The following PPP1R7 variants were observed in gnomAD, a reference collection of about 807,000 sequenced individuals.
PPP1R7 encodes protein phosphatase 1 regulatory subunit 7, also known as protein phosphatase 1 regulatory subunit 22.
A neutral mutation model predicts 45.2 loss-of-function variants in PPP1R7; 18 were observed. The ratio of observed to expected loss-of-function variants is 0.40; its 90% confidence interval spans 0.28 to 0.59. PPP1R7 has a LOEUF of 0.59. PPP1R7 is among the 20% of genes least tolerant of loss of function. The pLI, the probability that PPP1R7 is intolerant of heterozygous loss-of-function variation, is 0.46. For synonymous variants in PPP1R7, 181 were observed against 183.4 expected, an observed-to-expected ratio of 0.99 and a Z score of 0.11; for missense variants, 314 against 455.8, an observed-to-expected ratio of 0.69 and a Z score of 2.83.
intron 7 of PPP1R7, among the ~76,000 whole-genome samples, chr2:241,165,047 CA>C (rs923074826): frequency 6.7e-6 from 1 of 149,956 alleles, no homozygotes; most frequent in Non-Finnish European, 1.5e-5. Context: ...GAGTCCATCT[CA>C]AAAAAAAGAA....
At chr2:241,157,691 G>T in intron 2 of PPP1R7, 116 bp from the exon 3 acceptor site, 1 of 940,676 alleles carries the variant, frequency 1.1e-6, no homozygotes, top group Non-Finnish European at 1.7e-6. Context: ...GTTCCTCCTC[G>T]GGGTTTGAGC....
At chr2:241,156,237 G>T (rs572390419) in intron 2 of PPP1R7, among the ~76,000 whole-genome samples, 2 of 152,340 alleles carry the variant, frequency 1.3e-5, no homozygotes, top group East Asian at 3.9e-4. Flanking sequence ...GCCCTGTAAG[G>T]TAGTGACAAT....
intron 4 of PPP1R7, 115 bp from the exon 5 acceptor site, chr2:241,159,098 A>G (rs2067526022): frequency 1.6e-6 from 2 of 1,279,086 alleles, no homozygotes; most frequent in South Asian, 2.7e-5. Context: ...ACAGCAGGAG[A>G]ATGAAGACAT....
chr2:241,150,677 TGACAGCC>T lies in PPP1R7; in HGVS notation c.52+132_52+138del. 6.2e-6 allele frequency: 8 copies of T among 1,282,868 alleles called. 1 individual carries two copies. In the South Asian group the frequency reaches 1.5e-4, roughly 24 times the overall value. The allele number at this position is 1,282,868 out of a possible 1,614,324, so 79.5% of individuals were successfully genotyped here. A position where few individuals can be genotyped will look rare whatever the true frequency, so the allele number is the denominator to read the frequency against. The stretch of plus-strand genomic sequence containing the variant: ...CGCCGCCGCGCGGCCCCCTGACAGC[TGACAGCC>T]GGACCCGGGGGAGCGGGGGAGGCGC... On this transcript the variant is annotated intron_variant, in intron 1 of 9. Coordinates refer to ENST00000234038, the MANE Select transcript of PPP1R7 (RefSeq NM_002712.3).
At position 241,183,028 on chromosome 2, in the gene PPP1R7, C is replaced by A; in HGVS notation, c.*205C>A. 1.7e-6 allele frequency: 1 copy of A among 603,326 alleles called. No homozygotes were observed. The highest frequency in any genetic ancestry group is 2.9e-6 in the Non-Finnish European group (1 of 343,826). 37.4% of individuals were successfully genotyped at this position (603,326 alleles called of 1,614,324 possible). A position where few individuals can be genotyped will look rare whatever the true frequency, so the allele number is the denominator to read the frequency against. On this transcript the variant is annotated 3_prime_UTR_variant, in exon 10 of 10. Coordinates refer to ENST00000234038, the MANE Select transcript of PPP1R7 (RefSeq NM_002712.3). ...AATTAAATCTTGCCACACTGTCCTCCTGGGTGATTGTTGACAGTTATTGTA... is the reference window on the plus strand; with the variant it reads ...AATTAAATCTTGCCACACTGTCCTCATGGGTGATTGTTGACAGTTATTGTA...
intron 9 of PPP1R7, 45 bp downstream of exon 9, chr2:241,169,912 G>T: frequency 1.4e-6 from 2 of 1,417,132 alleles, no homozygotes; most frequent in Non-Finnish European, 2.0e-6. Flanking sequence ...TGACTAAACT[G>T]GTCTCACTGA....
intron 9 of PPP1R7, among the ~76,000 whole-genome samples, chr2:241,177,621 T>C (rs1218179257): frequency 6.6e-6 from 1 of 152,064 alleles, no homozygotes; most frequent in African/African-American, 2.4e-5. Flanking sequence ...AATAGAAAAA[T>C]AGGTGGAGGA....
At chr2:241,181,609 C>G (rs1230956949) in intron 9 of PPP1R7, among the ~76,000 whole-genome samples, 1 of 152,164 alleles carries the variant, frequency 6.6e-6, no homozygotes, top group Non-Finnish European at 1.5e-5. Context: ...AGGGACCCCC[C>G]AGTCGGACCA....
At chr2:241,166,867 C>G (rs1274748877) in intron 8 of PPP1R7, among the ~76,000 whole-genome samples, 1 of 152,222 alleles carries the variant, frequency 6.6e-6, no homozygotes, top group African/African-American at 2.4e-5. Flanking sequence ...CATGGGTCCA[C>G]TGGCCTCAGC....
intron 2 of PPP1R7, 65 bp from the exon 3 acceptor site, chr2:241,157,742 C>A: frequency 6.7e-7 from 1 of 1,492,708 alleles, no homozygotes; most frequent in Non-Finnish European, 9.3e-7. Context: ...CAGCCAGAAG[C>A]AGCTCTTCAC....
Position 241,183,145 on chromosome 2 carries a change from G to T in PPP1R7, c.*322G>T, listed in dbSNP as rs564890841. 4 of 404,068 alleles carry T rather than the reference G, an allele frequency of 9.9e-6. No individual in the cohort carries two copies. Among genetic ancestry groups the T allele is most frequent in the Non-Finnish European group, 1.4e-5 (3 of 212,140 alleles). 25.0% of individuals were successfully genotyped at this position (404,068 alleles called of 1,614,324 possible). On this transcript the variant is annotated 3_prime_UTR_variant, in exon 10 of 10. Transcript: ENST00000234038. ...GGCAGTCACAGTCCCTACCTGAGTC[G>T]TGTGAAACACAGGGCCTGAGAGTGC... is the stretch of plus-strand genomic sequence containing the variant.
chr2:241,150,009 C>G, upstream of PPP1R7: 1 of 1,402,724 alleles, frequency 7.1e-7, no homozygotes, highest in Non-Finnish European at 9.2e-7. Flanking sequence ...TCTTGCCGTT[C>G]GGCCCATTGT....
intron 7 of PPP1R7, among the ~76,000 whole-genome samples, chr2:241,163,641 T>C (rs962190696): frequency 6.6e-6 from 1 of 152,210 alleles, no homozygotes; most frequent in Non-Finnish European, 1.5e-5. Context: ...TCTTTATCTG[T>C]CACTCAGGCT....
chr2:241,154,802 G>A (rs1477297381), intron 2 of PPP1R7, among the ~76,000 whole-genome samples: 1 of 152,214 alleles, frequency 6.6e-6, no homozygotes, highest in African/African-American at 2.4e-5. Flanking sequence ...CAAACAGCAG[G>A]TTTAAGAAGG....
chr2:241,179,086 T>TA (rs1222075715), intron 9 of PPP1R7, among the ~76,000 whole-genome samples: 1 of 152,016 alleles, frequency 6.6e-6, no homozygotes, highest in East Asian at 1.9e-4. Context: ...ACCCCATAAA[T>TA]ACAAAATGCA....
Position 241,159,199 on chromosome 2 carries a change from T to G in PPP1R7, c.304-14T>G. ...CCCTTGCCTGTGTCAATTGTCCCTT[T>G]TCCCATCCCCCAGACTCTCTGCCTC... On this transcript the variant is annotated splice_polypyrimidine_tract_variant and intron_variant, in intron 4 of 9. Transcript: ENST00000234038. The G allele has an allele frequency of 6.2e-7, 1 of 1,611,498 alleles. No individual in the cohort carries two copies. The highest frequency in any genetic ancestry group is 8.5e-7 in the Non-Finnish European group (1 of 1,178,392).
intron 2 of PPP1R7, among the ~76,000 whole-genome samples, chr2:241,157,233 C>G (rs555523510): frequency 6.6e-6 from 1 of 152,294 alleles, no homozygotes; most frequent in African/African-American, 2.4e-5. Flanking sequence ...TTGATCCTAT[C>G]TGTTGAACTA....
intron 9 of PPP1R7, among the ~76,000 whole-genome samples, chr2:241,179,910 C>T (rs886678334): frequency 1.1e-4 from 17 of 152,300 alleles, no homozygotes; most frequent in South Asian, 6.2e-4. Context: ...TAGAATTCCC[C>T]GTGTTAGGTT....
At chr2:241,149,761 G>T (rs1394955783), upstream of PPP1R7, 16 of 1,539,664 alleles carry the variant, frequency 1.0e-5, no homozygotes, top group Non-Finnish European at 1.3e-5. Context: ...GGCGGAGGAC[G>T]CGGGGCGGCT....
Sources: gnomAD v4.1 joint callset for allele counts (sites outside exome capture counted in the v4.1 genomes callset) on GRCh38, gnomAD v4.1.1 for gene constraint, MANE v1.5 for transcripts, NCBI Gene and HGNC (gene_info 2026-07-23, HGNC 2026-07-21) for gene names.